The following TLN2 variants were observed in gnomAD, a reference collection of about 807,000 sequenced individuals.
The protein encoded by TLN2 is talin 2.
Under a neutral mutation model 294.7 loss-of-function variants are expected in TLN2, and 118 were observed. The ratio of observed to expected loss-of-function variants is 0.40; its 90% CI spans 0.34 to 0.47. The LOEUF (loss-of-function observed/expected upper bound fraction) is 0.47. Among genes scored for constraint, TLN2 ranks in the 20% least tolerant of loss-of-function variants. The pLI is 0.84. For missense variants in TLN2, 3,083 were observed against 3,282.2 expected, an observed-to-expected ratio of 0.94 and a Z score of 1.48; for synonymous variants, 1,431 against 1,304.5, an observed-to-expected ratio of 1.10 and a Z score of -2.09.
intron 1 of TLN2, among the ~76,000 whole-genome samples, chr15:62,581,467 A>T (rs1012853371): frequency 9.9e-5 from 15 of 152,194 alleles, no homozygotes; most frequent in African/African-American, 3.6e-4. Flanking sequence ...GGTGTTCATC[A>T]GGTTCTACTG....
At chr15:62,626,698 T>C (rs2049315080) in intron 3 of TLN2, among the ~76,000 whole-genome samples, 1 of 152,204 alleles carries the variant, frequency 6.6e-6, no homozygotes, top group Admixed American at 6.5e-5. Flanking sequence ...AGGAGGAACG[T>C]GAGACTCAGA....
At position 62,582,246 on chromosome 15, in the gene TLN2, A is replaced by ACACACACACACACACACACACC. The variant is rs764248336; in HGVS notation, c.-237-7439_-237-7438insCACACACACACACACACACCCA. Among the ~76,000 whole-genome samples the ACACACACACACACACACACACC allele has an allele frequency of 7.7e-4, 106 of 137,306 alleles. 3 individuals are homozygous for ACACACACACACACACACACACC. The highest frequency in any genetic ancestry group is 2.8e-3 in the South Asian group (11 of 3,978). The allele number at this position is 137,306 out of a possible 152,430, so 90.1% of individuals were successfully genotyped here. On this transcript the variant is annotated intron_variant, in intron 1 of 58. Coordinates refer to ENST00000636159, the MANE Select transcript of TLN2 (RefSeq NM_015059.3). ...CACACACACACACACACACACACAC[A>ACACACACACACACACACACACC]CATTCATGCCTGACCCATTCCTGAC...
In TLN2 at chr15:62,675,297, T is replaced by C. The variant is rs1351890304; in HGVS notation, c.933T>C (p.Tyr311=). ...AACTCGCACGGTCCCTCCGCACATA[T>C]GGCGTGTCCTTCTTCCTGGTGAAGG... The part of the protein sequence containing the change: ...YVKLARSLRT[Y]GVSFFLVKEK... The change falls in exon 11 of 59, where the codon TAT becomes TAC. Residue 311 remains tyrosine (Y), a synonymous_variant. Transcript: ENST00000636159. 2.8e-5 allele frequency: 45 copies of C among 1,614,056 alleles called. No homozygotes were observed. Among genetic ancestry groups the C allele is most frequent in the Middle Eastern group, 1.6e-4 (1 of 6,084 alleles).
At position 62,567,705 on chromosome 15, in the gene TLN2, C is replaced by T. The variant is rs113075894; in HGVS notation, c.-237-21982C>T. ...CAAAAATTACCCGGGCGTGATGGCG[C>T]GCGCCTGTAATCCCAGCTACTTGGG... On this transcript the variant is annotated intron_variant, in intron 1 of 58. Coordinates refer to ENST00000636159, the MANE Select transcript of TLN2 (RefSeq NM_015059.3). 2.6e-3 allele frequency among the ~76,000 whole-genome samples: 393 copies of T among 152,242 alleles called. 4 individuals carry two copies. Among genetic ancestry groups the T allele is most frequent in the African/African-American group, 8.1e-3 (338 of 41,538 alleles).
intron 2 of TLN2, among the ~76,000 whole-genome samples, chr15:62,602,004 C>G (rs910192661): frequency 6.6e-6 from 1 of 152,044 alleles, no homozygotes; most frequent in Admixed American, 6.6e-5. Flanking sequence ...ATTGTCTTAC[C>G]CATTTCTTGC....
chr15:62,482,809 G>A (rs1339789056), intron 1 of TLN2, among the ~76,000 whole-genome samples: 3 of 152,138 alleles, frequency 2.0e-5, no homozygotes, highest in African/African-American at 4.8e-5. Context: ...CGGTGGCCAG[G>A]ATGCAATTTC....
chr15:62,832,375 T>C (rs2068958400), intron 54 of TLN2: 1 of 152,226 alleles, frequency 6.6e-6, no homozygotes, highest in Admixed American at 6.5e-5. Context: ...TTCAACACTG[T>C]GTGACCTGAG....
chr15:62,781,175 A>G lies in TLN2; in HGVS notation c.5550A>G (p.Thr1850=), dbSNP rs1406855145. ...GCACTCCTCCAGAACCAAAGGGAAC[A>G]TTTGTCGACTATCAGACGACTGTGG... is the stretch of plus-strand genomic sequence containing the variant. ...DEGTPPEPKG[T]FVDYQTTVVK... Residue 1850 remains threonine (T), a synonymous_variant, in exon 44 of 59, where the codon ACA becomes ACG. Coordinates refer to ENST00000636159, the MANE Select transcript of TLN2 (RefSeq NM_015059.3). 11 of 1,614,054 alleles carry G rather than the reference A, an allele frequency of 6.8e-6. No individual in the cohort carries two copies. Among genetic ancestry groups the G allele is most frequent in the African/African-American group, 1.3e-5 (1 of 74,916 alleles).
intron 1 of TLN2, among the ~76,000 whole-genome samples, chr15:62,462,937 T>C (rs2036889909): frequency 6.6e-6 from 1 of 152,174 alleles, no homozygotes; most frequent in Non-Finnish European, 1.5e-5. Context: ...GAGGAGGATG[T>C]GGAAGGAGAC....
In TLN2 at chr15:62,707,348, A is replaced by G. The variant is rs115121693; in HGVS notation, c.2172+95A>G. The G allele has an allele frequency of 3.3e-4, 454 of 1,392,460 alleles. 1 individual carries two copies. In the African/African-American group the frequency reaches 6.0e-3, roughly 18 times the overall value. 86.3% of individuals were successfully genotyped at this position (1,392,460 alleles called of 1,614,324 possible). A position where few individuals can be genotyped will look rare whatever the true frequency, so the allele number is the denominator to read the frequency against. ...TGTGTAGCAGGGGCAGAATTTGTTT[A>G]AATAGTCCGAGATTTAGAGCTTCCT... On this transcript the variant is annotated intron_variant, in intron 20 of 58. Coordinates refer to ENST00000636159, the MANE Select transcript of TLN2 (RefSeq NM_015059.3).
chr15:62,708,448 A>G (rs997376740), intron 20 of TLN2, 54 bp from the exon 21 acceptor site: 1 of 1,577,194 alleles, frequency 6.3e-7, no homozygotes, highest in African/African-American at 1.3e-5. Context: ...GGGCACATGG[A>G]GAGGGACCAG....
chr15:62,728,549 C>T (rs958137687), intron 28 of TLN2, among the ~76,000 whole-genome samples: 1 of 152,206 alleles, frequency 6.6e-6, no homozygotes, highest in Admixed American at 6.5e-5. Context: ...CAGTTGTTCT[C>T]TATCCTTGTC....
chr15:62,725,614 T>C (rs1382980228), intron 27 of TLN2, among the ~76,000 whole-genome samples: 1 of 152,200 alleles, frequency 6.6e-6, no homozygotes, highest in East Asian at 1.9e-4. Flanking sequence ...ATGTACTTCC[T>C]TACATGACTG....
At chr15:62,744,113 C>G (rs574233782) in intron 32 of TLN2, among the ~76,000 whole-genome samples, 9 of 152,216 alleles carry the variant, frequency 5.9e-5, no homozygotes, top group African/African-American at 1.9e-4. Flanking sequence ...CAGGATGTCA[C>G]TCAGCCCTGA....
chr15:62,563,433 G>T (rs1169287875), intron 1 of TLN2, among the ~76,000 whole-genome samples: 1 of 152,026 alleles, frequency 6.6e-6, no homozygotes, highest in Non-Finnish European at 1.5e-5. Flanking sequence ...CCCACTTTTT[G>T]ATGGGCTTAT....
At chr15:62,432,011 A>G (rs937160553) in intron 1 of TLN2, among the ~76,000 whole-genome samples, 5 of 152,170 alleles carry the variant, frequency 3.3e-5, no homozygotes, top group African/African-American at 1.2e-4. Flanking sequence ...TTGCTCTTTT[A>G]GCTCCTGAAT....
At chr15:62,471,646 A>G (rs1243299017) in intron 1 of TLN2, among the ~76,000 whole-genome samples, 1 of 152,114 alleles carries the variant, frequency 6.6e-6, no homozygotes, top group Non-Finnish European at 1.5e-5. Flanking sequence ...TTTTCTGCTG[A>G]CACCCCAGCC....
chr15:62,413,340 AG>A (rs1430814957), intron 1 of TLN2, among the ~76,000 whole-genome samples: 2 of 152,196 alleles, frequency 1.3e-5, no homozygotes, highest in Non-Finnish European at 2.9e-5. Flanking sequence ...GAAGATGCTA[AG>A]AATGTAAAAT....
intron 39 of TLN2, among the ~76,000 whole-genome samples, chr15:62,762,998 C>T (rs904954265): frequency 1.3e-5 from 2 of 152,170 alleles, no homozygotes; most frequent in Non-Finnish European, 1.5e-5. Flanking sequence ...TGAAGTTAAC[C>T]AGTAAATACC....
Sources: gnomAD v4.1 joint callset for allele counts (sites outside exome capture counted in the v4.1 genomes callset) on GRCh38, gnomAD v4.1.1 for gene constraint, MANE v1.5 for transcripts, NCBI Gene and HGNC (gene_info 2026-07-23, HGNC 2026-07-21) for gene names.